The following SH2D7 variants were observed in gnomAD, a reference collection of about 807,000 sequenced individuals.
The protein encoded by SH2D7 is SH2 domain containing 7.
In SH2D7, 32 loss-of-function variants were observed where a neutral mutation model predicts 40.8. The ratio of observed to expected loss-of-function variants is 0.78; its 90% confidence interval spans 0.59 to 1.05. SH2D7 has a LOEUF of 1.05. Ranked by LOEUF, SH2D7 falls within the 50% of genes least tolerant of loss-of-function variation. The pLI is 0.00. For synonymous variants in SH2D7, 195 were observed against 221.5 expected (o/e 0.88, Z 1.06); for missense variants, 559 against 566.6 (o/e 0.99, Z 0.14).
rs112149948 is a variant in SH2D7, at chr15:78,101,720, G to A, written c.1305+162G>A. Among the ~76,000 whole-genome samples, 807 of 152,332 alleles carry A rather than the reference G, an allele frequency of 5.3e-3. 5 individuals carry two copies. The highest frequency in any genetic ancestry group is 0.018 in the African/African-American group (750 of 41,566). On this transcript the variant is annotated intron_variant, in intron 5 of 5. Transcript: ENST00000328828. ...ATATCTGCCTAGAAGTGGTGGTGGTGGTGGTGGTGGGAGAGGCAGCTGCTA... is the reference window on the plus strand; with the variant it reads ...ATATCTGCCTAGAAGTGGTGGTGGTAGTGGTGGTGGGAGAGGCAGCTGCTA...
chr15:78,098,282 C>A, intron 3 of SH2D7, 102 bp from the exon 4 acceptor site: 1 of 1,459,412 alleles, frequency 6.9e-7, no homozygotes. Flanking sequence ...GGTCAGAGAC[C>A]TGGTGGGAAT....
chr15:78,094,363 C>A (rs551515425), intron 2 of SH2D7, among the ~76,000 whole-genome samples, 162 bp downstream of exon 2: 2 of 152,334 alleles, frequency 1.3e-5, no homozygotes, highest in African/African-American at 4.8e-5. Context: ...ACTTCCTGAG[C>A]AGCACTGGCC....
intron 1 of SH2D7, 69 bp from the exon 2 acceptor site, chr15:78,094,043 G>A: frequency 6.8e-7 from 1 of 1,463,638 alleles, no homozygotes; most frequent in Admixed American, 2.0e-5. Context: ...TTCCAAGAGA[G>A]GCCTAAGTCA....
rs1222709908 is a variant in SH2D7 at position 78,098,442 on chromosome 15, A to G, written c.491A>G (p.Asp164Gly). 2 of 1,613,896 alleles carry G rather than the reference A, an allele frequency of 1.2e-6. No homozygotes were observed. Among genetic ancestry groups the G allele is most frequent in the Non-Finnish European group, 1.7e-6 (2 of 1,179,872 alleles). ...CGGGGCCTCCACCAGACCATCGTGG[A>G]CCCAGAAAACCCACCTGCCACGGCA... is the stretch of plus-strand genomic sequence containing the variant. ...ITRGLHQTIV[D>G]PENPPATAFL... Residue 164 changes from aspartate to glycine, a missense_variant, in exon 4 of 6, where the codon GAC (aspartate) becomes GGC (glycine). Transcript: ENST00000328828.
At chr15:78,094,297 T>C in intron 2 of SH2D7, 96 bp downstream of exon 2, 1 of 1,174,360 alleles carries the variant, frequency 8.5e-7, no homozygotes, top group Non-Finnish European at 1.2e-6. Context: ...ATTGCCTAGA[T>C]TTCCCTGGGT....
In SH2D7 at chr15:78,098,089, C is replaced by T. The variant is rs772427485; in HGVS notation, c.427C>T (p.Pro143Ser). The change falls in exon 3 of 6, where the codon CCC becomes TCC. Residue 143 changes from proline to serine, a missense_variant. Coordinates refer to ENST00000328828, the MANE Select transcript of SH2D7 (RefSeq NM_001101404.2). Reference sequence around the variant, plus strand: ...CAAAGAGATGCTGACTGCTGCCTGCCCCCGGGTAGGCGCCCCACTTCCCCA... The same window carrying T: ...CAAAGAGATGCTGACTGCTGCCTGCTCCCGGGTAGGCGCCCCACTTCCCCA... ...PFKEMLTAAC[P>S]RPEDNDLYDA... 26 of 1,607,654 alleles carry T rather than the reference C, an allele frequency of 1.6e-5. No homozygotes were observed. The highest frequency in any genetic ancestry group is 2.1e-5 in the Non-Finnish European group (25 of 1,176,604).
intron 2 of SH2D7, among the ~76,000 whole-genome samples, chr15:78,095,065 GC>G (rs2073962556): frequency 6.6e-6 from 1 of 152,190 alleles, no homozygotes; most frequent in Non-Finnish European, 1.5e-5. Flanking sequence ...TATTCAGACT[GC>G]CCCAGTTCAA....
intron 2 of SH2D7, among the ~76,000 whole-genome samples, chr15:78,095,340 G>A (rs1182822263): frequency 6.6e-6 from 1 of 152,162 alleles, no homozygotes; most frequent in African/African-American, 2.4e-5. Flanking sequence ...AATGTCTTTT[G>A]AGCTTTGGGG....
At chr15:78,095,849 A>G (rs190672818) in intron 2 of SH2D7, among the ~76,000 whole-genome samples, 160 of 152,128 alleles carry the variant, frequency 1.1e-3, no homozygotes, top group African/African-American at 3.7e-3. Context: ...TTATTTATTT[A>G]TTTATTTTTT....
upstream of SH2D7, chr15:78,092,460 A>G (rs1404926114): frequency 7.5e-6 from 8 of 1,065,626 alleles, no homozygotes; most frequent in East Asian, 1.1e-4. Flanking sequence ...AGAGGTGACA[A>G]TGGGGCTGCT....
chr15:78,100,026 T>C (rs2074002736), intron 4 of SH2D7, among the ~76,000 whole-genome samples: 1 of 152,220 alleles, frequency 6.6e-6, no homozygotes, highest in South Asian at 2.1e-4. Context: ...CTTCGTTCTT[T>C]GTAGCACTGA....
chr15:78,091,794 G>A (rs78129963), upstream of SH2D7, among the ~76,000 whole-genome samples: 30 of 152,166 alleles, frequency 2.0e-4, no homozygotes, highest in Non-Finnish European at 3.2e-4. Context: ...CCACCTCTTC[G>A]TCTTTGCACA....
At chr15:78,091,597 A>G (rs919902963), upstream of SH2D7, among the ~76,000 whole-genome samples, 14 of 152,112 alleles carry the variant, frequency 9.2e-5, no homozygotes, top group African/African-American at 3.4e-4. Flanking sequence ...TTCTGCTAGG[A>G]AACTCAGAAA....
In SH2D7 at chr15:78,103,648, G is replaced by A. The variant is rs1026716597; in HGVS notation, c.*133G>A. On this transcript the variant is annotated 3_prime_UTR_variant, in exon 6 of 6. Coordinates refer to ENST00000328828, the MANE Select transcript of SH2D7 (RefSeq NM_001101404.2). ...CTCATCCAGCCTGCTACAGAACTAG[G>A]CTCCGAGACAGCCGAGGTGCCTGCC... The A allele has an allele frequency of 2.6e-6, 3 of 1,147,112 alleles. No individual in the cohort carries two copies. In the African/African-American group the frequency reaches 4.7e-5, roughly 18 times the overall value. The allele number at this position is 1,147,112 out of a possible 1,614,324, so 71.1% of individuals were successfully genotyped here. A position where few individuals can be genotyped will look rare whatever the true frequency, so the allele number is the denominator to read the frequency against.
chr15:78,096,322 A>G (rs958904519), intron 2 of SH2D7, among the ~76,000 whole-genome samples: 27 of 152,200 alleles, frequency 1.8e-4, no homozygotes, highest in Admixed American at 8.5e-4. Flanking sequence ...AATAAGTAAA[A>G]GCAAAAGAAC....
Position 78,098,021 on chromosome 15 carries a change from C to T in SH2D7, c.359C>T (p.Ala120Val). ...SGDTQSHSTL[A>V]ELVHHYQEAQ... Reference sequence around the variant, plus strand: ...GACACCCAGAGCCACAGCACCCTGGCTGAGCTTGTGCACCATTACCAGGAG... The same window carrying T: ...GACACCCAGAGCCACAGCACCCTGGTTGAGCTTGTGCACCATTACCAGGAG... The change falls in exon 3 of 6, where the codon GCT (alanine) becomes GTT (valine). Residue 120 changes from alanine to valine, a missense_variant. Physicochemically the swap from Ala to Val is moderately conservative, Grantham distance 64. Transcript: ENST00000328828. 1 of 1,614,026 alleles carries T rather than the reference C, an allele frequency of 6.2e-7. No homozygotes were observed.
In SH2D7 at chr15:78,103,301, C is replaced by T. The variant is rs1405518254; in HGVS notation, c.1306-164C>T. Among the ~76,000 whole-genome samples the T allele has an allele frequency of 3.3e-5, 5 of 152,276 alleles. No individual in the cohort carries two copies. The East Asian group carries it at 5.8e-4, about 18-fold the overall frequency. On this transcript the variant is annotated intron_variant, in intron 5 of 5. Coordinates refer to ENST00000328828, the MANE Select transcript of SH2D7 (RefSeq NM_001101404.2). ...AATTGGGGAGCTAAAGGTGGGATTT[C>T]GGGCACTGGGAGAGGCTTGTGGAAT...
intron 2 of SH2D7, among the ~76,000 whole-genome samples, chr15:78,096,437 G>A (rs1376332936): frequency 6.6e-6 from 1 of 152,124 alleles, no homozygotes; most frequent in Non-Finnish European, 1.5e-5. Context: ...AAGCCACAAT[G>A]GATGGCTATA....
rs1318066319 is a variant in SH2D7, at chr15:78,101,124, A to G, written c.871A>G (p.Arg291Gly). 1 of 1,561,398 alleles carries G rather than the reference A, an allele frequency of 6.4e-7. No homozygotes were observed. Residue 291 changes from arginine to glycine, a missense_variant, in exon 5 of 6, where the codon AGG (arginine) becomes GGG (glycine). Arg to Gly is a moderately radical substitution (Grantham distance 125). Coordinates refer to ENST00000328828, the MANE Select transcript of SH2D7 (RefSeq NM_001101404.2). ...GAGACTCTCAGATGGAGAACAGAACAGGCCTGATGGCCTGGGGCCTGTCCT... is the reference window on the plus strand; with the variant it reads ...GAGACTCTCAGATGGAGAACAGAACGGGCCTGATGGCCTGGGGCCTGTCCT... The part of the protein sequence containing the change: ...QRRLSDGEQN[R>G]PDGLGPVLSG...
Sources: gnomAD v4.1 joint callset for allele counts (sites outside exome capture counted in the v4.1 genomes callset) on GRCh38, gnomAD v4.1.1 for gene constraint, MANE v1.5 for transcripts, NCBI Gene and HGNC (gene_info 2026-07-23, HGNC 2026-07-21) for gene names.